The following AP1AR variants were observed in gnomAD, a reference collection of about 807,000 sequenced individuals.
The protein encoded by AP1AR is adaptor related protein complex 1 associated regulatory protein.
A neutral mutation model predicts 46.3 loss-of-function variants in AP1AR; 29 were observed. The ratio of observed to expected loss-of-function variants is 0.63; its 90% CI spans 0.47 to 0.85. AP1AR has a LOEUF of 0.85. AP1AR is among the 40% of genes least tolerant of loss of function. The probability of loss-of-function intolerance (pLI) is 0.00; values close to 1 mark genes in which losing one functional copy is unlikely to be tolerated. For synonymous variants in AP1AR, 122 were observed against 122.9 expected, an observed-to-expected ratio of 0.99 and a Z score of 0.05; for missense variants, 357 against 356.3, an observed-to-expected ratio of 1.00 and a Z score of -0.02.
rs1726839259 is a variant in AP1AR, at chr4:112,269,093, G to GATAGATAT, written c.*687_*688insGATATATA. The stretch of plus-strand genomic sequence containing the variant: ...AATAATAAAAAATAATATTTAAGAA[G>GATAGATAT]ATATATATATATATATATTTAGTTT... On this transcript the variant is annotated 3_prime_UTR_variant, in exon 10 of 10. Coordinates refer to ENST00000274000, the MANE Select transcript of AP1AR (RefSeq NM_018569.6). 6.8e-6 allele frequency: 1 copy of GATAGATAT among 146,138 alleles called. No individual in the cohort carries two copies. Among genetic ancestry groups the GATAGATAT allele is most frequent in the African/African-American group, 2.5e-5 (1 of 40,136 alleles). The allele number at this position is 146,138 out of a possible 1,614,324, so 9.1% of individuals were successfully genotyped here.
chr4:112,273,029 C>A lies in AP1AR; in HGVS notation c.*4620C>A, dbSNP rs1419069067. On this transcript the variant is annotated 3_prime_UTR_variant, in exon 10 of 10. Transcript: ENST00000274000. ...AATTGTCTGACAGTAAAGGAGTTCA[C>A]AAAAGAAATCTGAGATTCCACATTG... 1 of 151,774 alleles carries A rather than the reference C, an allele frequency of 6.6e-6. No individual in the cohort carries two copies. Among genetic ancestry groups the A allele is most frequent in the Admixed American group, 6.6e-5 (1 of 15,230 alleles). 9.4% of individuals were successfully genotyped at this position (151,774 alleles called of 1,614,324 possible). A position where few individuals can be genotyped will look rare whatever the true frequency, so the allele number is the denominator to read the frequency against.
chr4:112,256,690 T>C (rs1354314388), intron 3 of AP1AR, among the ~76,000 whole-genome samples: 1 of 152,230 alleles, frequency 6.6e-6, no homozygotes, highest in African/African-American at 2.4e-5. Flanking sequence ...TATGAATAGT[T>C]TAAATGTGTA....
intron 1 of AP1AR, among the ~76,000 whole-genome samples, chr4:112,248,629 T>C (rs749429994): frequency 1.3e-5 from 2 of 152,172 alleles, no homozygotes; most frequent in Non-Finnish European, 2.9e-5. Flanking sequence ...CTTTTGTGCA[T>C]ATTTGAAAAG....
At chr4:112,246,071 C>T (rs1490226875) in intron 1 of AP1AR, among the ~76,000 whole-genome samples, 1 of 151,954 alleles carries the variant, frequency 6.6e-6, no homozygotes, top group East Asian at 1.9e-4. Context: ...TGATGCTGCC[C>T]TATATACGTC....
At chr4:112,258,019 G>A (rs1260801747) in intron 4 of AP1AR, among the ~76,000 whole-genome samples, 2 of 152,056 alleles carry the variant, frequency 1.3e-5, no homozygotes, top group African/African-American at 4.8e-5. Flanking sequence ...ATGCTTTCCT[G>A]TTGTACCTGT....
At chr4:112,238,536 A>G (rs186431997) in intron 1 of AP1AR, among the ~76,000 whole-genome samples, 1 of 152,310 alleles carries the variant, frequency 6.6e-6, no homozygotes, top group East Asian at 1.9e-4. Context: ...CAGTTTTGAA[A>G]AAATATAAAA....
rs920335570 is a variant in AP1AR at position 112,271,568 on chromosome 4, C to T, written c.*3159C>T. On this transcript the variant is annotated 3_prime_UTR_variant, in exon 10 of 10. Coordinates refer to ENST00000274000, the MANE Select transcript of AP1AR (RefSeq NM_018569.6). ...CAATCTATTTGGACTCATTGTCTCC[C>T]TACTGGCCAAATCTATAGATGTCTG... Among the ~76,000 whole-genome samples, 1 of 152,214 alleles carries T rather than the reference C, an allele frequency of 6.6e-6. No individual in the cohort carries two copies. The highest frequency in any genetic ancestry group is 2.4e-5 in the African/African-American group (1 of 41,462).
In AP1AR at chr4:112,232,189, G is replaced by T; in HGVS notation, c.83+15G>T. 7.9e-7 allele frequency: 1 copy of T among 1,268,704 alleles called. No individual in the cohort carries two copies. The highest frequency in any genetic ancestry group is 1.0e-6 in the Non-Finnish European group (1 of 999,680). 78.6% of individuals were successfully genotyped at this position (1,268,704 alleles called of 1,614,324 possible). Reference sequence around the variant, plus strand: ...GGCGGCGGAGGGTAAGCCCGCTGGGGGAGGGGCCCGGCCCCCGTGGCTCCT... The same window carrying T: ...GGCGGCGGAGGGTAAGCCCGCTGGGTGAGGGGCCCGGCCCCCGTGGCTCCT... On this transcript the variant is annotated intron_variant, in intron 1 of 9. Coordinates refer to ENST00000274000, the MANE Select transcript of AP1AR (RefSeq NM_018569.6).
chr4:112,241,486 TAGAG>T (rs954577976), intron 1 of AP1AR, among the ~76,000 whole-genome samples: 1 of 152,158 alleles, frequency 6.6e-6, no homozygotes, highest in Non-Finnish European at 1.5e-5. Flanking sequence ...AGCAGTCAAG[TAGAG>T]AGAATTCAAT....
intron 5 of AP1AR, 127 bp downstream of exon 5, chr4:112,260,989 A>T (rs1343789409): frequency 6.2e-6 from 3 of 480,312 alleles, no homozygotes; most frequent in Non-Finnish European, 6.9e-6. Flanking sequence ...TTTAAGAGTT[A>T]AAAAAAATCA....
intron 7 of AP1AR, 103 bp from the exon 8 acceptor site, chr4:112,265,631 G>T: frequency 2.7e-6 from 2 of 747,322 alleles, no homozygotes; most frequent in South Asian, 1.8e-5. Flanking sequence ...TTATGAATTT[G>T]TATGACATAG....
intron 1 of AP1AR, among the ~76,000 whole-genome samples, chr4:112,250,354 A>G (rs1371981740): frequency 6.6e-6 from 1 of 152,226 alleles, no homozygotes; most frequent in Non-Finnish European, 1.5e-5. Context: ...GCTCTCCGAA[A>G]TCTGAAATGG....
intron 3 of AP1AR, among the ~76,000 whole-genome samples, chr4:112,256,756 GA>G (rs1358958184): frequency 6.6e-6 from 1 of 152,094 alleles, no homozygotes; most frequent in Non-Finnish European, 1.5e-5. Flanking sequence ...TGCTTTGGAG[GA>G]AAAAACTACA....
At chr4:112,255,085 A>T (rs1261004337) in intron 3 of AP1AR, among the ~76,000 whole-genome samples, 1 of 151,416 alleles carries the variant, frequency 6.6e-6, no homozygotes, top group Non-Finnish European at 1.5e-5. Flanking sequence ...TCAGCCTCCC[A>T]AGTAGCTGGG....
At chr4:112,240,057 C>T (rs1725420402) in intron 1 of AP1AR, among the ~76,000 whole-genome samples, 1 of 152,152 alleles carries the variant, frequency 6.6e-6, no homozygotes, top group Non-Finnish European at 1.5e-5. Context: ...AGATCTTTTG[C>T]CTTTTAAATG....
chr4:112,263,182 G>A, intron 6 of AP1AR, 96 bp downstream of exon 6: 1 of 924,680 alleles, frequency 1.1e-6, no homozygotes, highest in South Asian at 1.7e-5. Flanking sequence ...TATTCTCAAG[G>A]ACTTCTTGTT....
intron 4 of AP1AR, 41 bp downstream of exon 4, chr4:112,257,838 A>G (rs760804449): frequency 4.0e-6 from 6 of 1,505,256 alleles, no homozygotes; most frequent in Non-Finnish European, 4.4e-6. Context: ...CTTCTATGCA[A>G]ACTGTAAGAA....
At chr4:112,243,171 A>C (rs1465674110) in intron 1 of AP1AR, among the ~76,000 whole-genome samples, 1 of 152,206 alleles carries the variant, frequency 6.6e-6, no homozygotes, top group African/African-American at 2.4e-5. Flanking sequence ...TTCACAGCTC[A>C]ACTTTATGTG....
Position 112,257,815 on chromosome 4 carries a change from A to C in AP1AR, c.185+18A>C. 1 of 1,544,156 alleles carries C rather than the reference A, an allele frequency of 6.5e-7. No individual in the cohort carries two copies. Among genetic ancestry groups the C allele is most frequent in the Non-Finnish European group, 8.7e-7 (1 of 1,151,104 alleles). On this transcript the variant is annotated intron_variant, in intron 4 of 9. Coordinates refer to ENST00000274000, the MANE Select transcript of AP1AR (RefSeq NM_018569.6). Reference sequence around the variant, plus strand: ...AGTCATAGGTAAGGCTTTGTTAAAAAAAAAAAACAAAACTTCTATGCAAAC... The same window carrying C: ...AGTCATAGGTAAGGCTTTGTTAAAACAAAAAAACAAAACTTCTATGCAAAC...
Sources: allele counts gnomAD v4.1 joint callset (sites outside exome capture counted in the v4.1 genomes callset), GRCh38; gene constraint gnomAD v4.1.1; transcripts MANE v1.5; gene names NCBI Gene and HGNC (gene_info 2026-07-23, HGNC 2026-07-21).